DEK: variants seen among roughly 807,000 people sequenced by gnomAD.
DEK encodes the protein DEK proto-oncogene, also known as protein DEK.
DEK carries 28 observed loss-of-function variants against 46.8 expected under a neutral mutation model. The ratio of observed to expected loss-of-function variants is 0.60; its 90% CI spans 0.44 to 0.82. DEK has a LOEUF of 0.82. Ranked by LOEUF, DEK falls within the 40% of genes least tolerant of loss-of-function variation. DEK has a pLI of 0.00. For synonymous variants in DEK, 160 were observed against 144.5 expected (o/e 1.11, Z -0.77); for missense variants, 416 against 430.6 (o/e 0.97, Z 0.30).
At position 18,258,401 on chromosome 6, in the gene DEK, C is replaced by T. The variant is rs771419963; in HGVS notation, c.150G>A (p.Lys50=). ...CCCTCTTGCCTTCCACGATGAGACT[C>T]TTTTCTAGAAATTAATTTAGTATTT... ...DEEEEEEEKE[K]SLIVEGKREK... is the part of the protein sequence containing the mutation. Residue 50 remains lysine (K), a synonymous_variant, in exon 3 of 11, where the codon AAG becomes AAA. Transcript: ENST00000652689. 1 of 1,607,482 alleles carries T rather than the reference C, an allele frequency of 6.2e-7. No homozygotes were observed.
At chr6:18,252,846 A>G (rs567115507) in intron 6 of DEK, among the ~76,000 whole-genome samples, 223 of 152,368 alleles carry the variant, frequency 1.5e-3, no homozygotes, top group Middle Eastern at 3.4e-3. Flanking sequence ...AGCAACATAT[A>G]TTAGTCACTG....
At chr6:18,262,238 A>C (rs912180610) in intron 2 of DEK, among the ~76,000 whole-genome samples, 1 of 151,904 alleles carries the variant, frequency 6.6e-6, no homozygotes, top group African/African-American at 2.4e-5. Flanking sequence ...CCACGAATCA[A>C]TAAAACCTAT....
chr6:18,240,227 T>G (rs1790843002), intron 7 of DEK, among the ~76,000 whole-genome samples: 1 of 152,224 alleles, frequency 6.6e-6, no homozygotes, highest in Non-Finnish European at 1.5e-5. Flanking sequence ...ATCTTACTTC[T>G]GTATAACAAA....
chr6:18,249,531 C>CTGCA, intron 7 of DEK, 120 bp downstream of exon 7: 2 of 1,367,612 alleles, frequency 1.5e-6, no homozygotes. Context: ...TTAATCATTT[C>CTGCA]TGCATCTTCA....
chr6:18,261,543 C>G (rs113132167), intron 2 of DEK, among the ~76,000 whole-genome samples: 58 of 152,306 alleles, frequency 3.8e-4, no homozygotes, highest in African/African-American at 1.3e-3. Flanking sequence ...TGCACTCCAG[C>G]CTGGGCAACG....
chr6:18,260,393 T>C (rs1397067482), intron 2 of DEK, among the ~76,000 whole-genome samples: 2 of 152,186 alleles, frequency 1.3e-5, no homozygotes, highest in Non-Finnish European at 2.9e-5. Context: ...TGCCTGTCTG[T>C]CATCTGGACA....
intron 7 of DEK, among the ~76,000 whole-genome samples, chr6:18,248,615 C>A (rs1199789365): frequency 6.6e-6 from 1 of 152,074 alleles, no homozygotes; most frequent in African/African-American, 2.4e-5. Flanking sequence ...TTATAGAAGT[C>A]TTTATAAAAT....
At chr6:18,262,046 C>T (rs1349770730) in intron 2 of DEK, among the ~76,000 whole-genome samples, 1 of 151,992 alleles carries the variant, frequency 6.6e-6, no homozygotes, top group African/African-American at 2.4e-5. Context: ...CATGGTAATC[C>T]GTGGTGGTGA....
At chr6:18,225,845 AC>A (rs1561969636) in intron 10 of DEK, 115 bp from the exon 11 acceptor site, 1 of 1,231,202 alleles carries the variant, frequency 8.1e-7, no homozygotes, top group African/African-American at 1.5e-5. Flanking sequence ...ATACAGAATT[AC>A]AGCTACCTGC....
At chr6:18,259,377 A>C (rs1791742595) in intron 2 of DEK, among the ~76,000 whole-genome samples, 1 of 126,322 alleles carries the variant, frequency 7.9e-6, no homozygotes, top group African/African-American at 3.0e-5. Flanking sequence ...CCTGGGCGAC[A>C]CAGCAAGACT....
At chr6:18,244,967 G>A (rs1379552807) in intron 7 of DEK, among the ~76,000 whole-genome samples, 1 of 152,188 alleles carries the variant, frequency 6.6e-6, no homozygotes, top group Non-Finnish European at 1.5e-5. Flanking sequence ...AAATTATAAT[G>A]GAGTTTCTCT....
At chr6:18,237,255 G>A in intron 8 of DEK, 126 bp downstream of exon 8, 3 of 1,137,998 alleles carry the variant, frequency 2.6e-6, no homozygotes, top group East Asian at 2.8e-5. Flanking sequence ...TATTCAACCT[G>A]TATTACTTCT....
intron 9 of DEK, among the ~76,000 whole-genome samples, chr6:18,231,826 T>G (rs1247020221): frequency 6.6e-6 from 1 of 152,110 alleles, no homozygotes; most frequent in Non-Finnish European, 1.5e-5. Context: ...ACTATTCCAA[T>G]GAATAGAAAA....
chr6:18,242,834 T>C (rs1031554562), intron 7 of DEK, among the ~76,000 whole-genome samples: 2 of 152,106 alleles, frequency 1.3e-5, no homozygotes, highest in Admixed American at 6.6e-5. Flanking sequence ...TATGTTGAGG[T>C]TTCTAAGATC....
At chr6:18,247,314 T>G (rs2151087666) in intron 7 of DEK, among the ~76,000 whole-genome samples, 1 of 152,274 alleles carries the variant, frequency 6.6e-6, no homozygotes, top group Admixed American at 6.5e-5. Context: ...CAAATTTTAT[T>G]TTACATTTTA....
rs976135473 is a variant in DEK at position 18,225,099 on chromosome 6, TAAA to T, written c.*617_*619del. ...TAAAAAGTGATCTGCACAAAAGAAATAAAAAAACTTTATATACAACCAATTGTT... is the reference window on the plus strand; with the variant it reads ...TAAAAAGTGATCTGCACAAAAGAAATAAAACTTTATATACAACCAATTGTT... On this transcript the variant is annotated 3_prime_UTR_variant, in exon 11 of 11. Coordinates refer to ENST00000652689, the MANE Select transcript of DEK (RefSeq NM_003472.4). The T allele has an allele frequency of 4.7e-6, 1 of 214,180 alleles. No individual in the cohort carries two copies. Among genetic ancestry groups the T allele is most frequent in the Non-Finnish European group, 9.4e-6 (1 of 105,952 alleles). The allele number at this position is 214,180 out of a possible 1,614,324, so 13.3% of individuals were successfully genotyped here.
chr6:18,252,021 C>G (rs1471477975), intron 6 of DEK, among the ~76,000 whole-genome samples: 1 of 152,042 alleles, frequency 6.6e-6, no homozygotes, highest in African/African-American at 2.4e-5. Flanking sequence ...TATACTACTC[C>G]AAAAATAGTT....
intron 9 of DEK, among the ~76,000 whole-genome samples, chr6:18,230,286 A>G (rs533507057): frequency 2.0e-5 from 3 of 152,330 alleles, no homozygotes; most frequent in African/African-American, 7.2e-5. Flanking sequence ...GCCAAATTGT[A>G]AAGACCATCG....
At chr6:18,247,377 A>G (rs1201364389) in intron 7 of DEK, among the ~76,000 whole-genome samples, 1 of 151,272 alleles carries the variant, frequency 6.6e-6, no homozygotes, top group African/African-American at 2.4e-5. Context: ...CTAATAAAAT[A>G]TGATATAGCT....
Sources: gnomAD v4.1 joint callset for allele counts (sites outside exome capture counted in the v4.1 genomes callset) on GRCh38, gnomAD v4.1.1 for gene constraint, MANE v1.5 for transcripts, NCBI Gene and HGNC (gene_info 2026-07-23, HGNC 2026-07-21) for gene names.